The following TMEM178A variants were observed in gnomAD, a reference collection of about 807,000 sequenced individuals.
TMEM178A encodes the protein transmembrane protein 178.
TMEM178A carries 12 observed loss-of-function variants against 29.1 expected under a neutral mutation model. The ratio of observed to expected loss-of-function variants is 0.41; its 90% CI spans 0.26 to 0.67. The LOEUF (loss-of-function observed/expected upper bound fraction) is 0.67, where lower values mean the gene tolerates loss of function less well. TMEM178A is among the 30% of genes least tolerant of loss of function. TMEM178A has a pLI of 0.29. For synonymous variants in TMEM178A, 210 were observed against 187.2 expected (o/e 1.12, Z -0.99); for missense variants, 366 against 419.1 (o/e 0.87, Z 1.11).
At chr2:39,705,597 C>T (rs1377559532) in intron 2 of TMEM178A, among the ~76,000 whole-genome samples, 1 of 152,174 alleles carries the variant, frequency 6.6e-6, no homozygotes, top group African/African-American at 2.4e-5. Context: ...CAGAAATACT[C>T]TCTTTTAATT....
chr2:39,678,954 A>G (rs758723994), intron 1 of TMEM178A, among the ~76,000 whole-genome samples: 22 of 152,198 alleles, frequency 1.4e-4, no homozygotes, highest in Admixed American at 6.5e-4. Flanking sequence ...TCTGGACAGC[A>G]TCTACTTTTC....
At chr2:39,702,589 A>G (rs559536658) in intron 1 of TMEM178A, among the ~76,000 whole-genome samples, 2 of 152,136 alleles carry the variant, frequency 1.3e-5, no homozygotes, top group African/African-American at 4.8e-5. Context: ...CTGACTTATA[A>G]ACAGCTAACT....
the TMEM178A span, among the ~76,000 whole-genome samples, chr2:39,728,106 A>T: frequency 2.8e-3 from 422 of 152,242 alleles, 5 homozygotes; most frequent in African/African-American, 9.5e-3. Flanking sequence ...TCAAATGGTA[A>T]TTCTAGTTCT....
downstream of TMEM178A, among the ~76,000 whole-genome samples, chr2:39,722,371 G>T (rs1353656698): frequency 6.6e-6 from 1 of 152,194 alleles, no homozygotes; most frequent in Admixed American, 6.5e-5. Context: ...GGTTAACTCA[G>T]CGTTATACAG....
chr2:39,690,789 T>C (rs1671281657), intron 1 of TMEM178A, among the ~76,000 whole-genome samples: 1 of 152,236 alleles, frequency 6.6e-6, no homozygotes, highest in Non-Finnish European at 1.5e-5. Context: ...TCAAAATAGT[T>C]GTCTTAAAGA....
intron 1 of TMEM178A, among the ~76,000 whole-genome samples, chr2:39,698,553 A>G (rs917416867): frequency 1.3e-5 from 2 of 152,188 alleles, no homozygotes; most frequent in Non-Finnish European, 2.9e-5. Flanking sequence ...TGCTGAATTC[A>G]GTTTGCTAAT....
intron 3 of TMEM178A, among the ~76,000 whole-genome samples, chr2:39,711,898 C>G (rs1011943935): frequency 6.6e-6 from 1 of 152,084 alleles, no homozygotes; most frequent in African/African-American, 2.4e-5. Flanking sequence ...ATTCCTGTAG[C>G]TAAACATACG....
chr2:39,693,998 T>G (rs1671435291), intron 1 of TMEM178A, among the ~76,000 whole-genome samples: 1 of 151,052 alleles, frequency 6.6e-6, no homozygotes, highest in Non-Finnish European at 1.5e-5. Context: ...TGTGATGATG[T>G]TTACTATCTC....
intron 3 of TMEM178A, among the ~76,000 whole-genome samples, chr2:39,712,677 C>G (rs1482568848): frequency 6.6e-6 from 1 of 152,096 alleles, no homozygotes; most frequent in African/African-American, 2.4e-5. Context: ...CTCTCTCTCT[C>G]TCTCTCTGGG....
At chr2:39,730,772 C>T in the TMEM178A span, among the ~76,000 whole-genome samples, 1 of 152,004 alleles carries the variant, frequency 6.6e-6, no homozygotes, top group Non-Finnish European at 1.5e-5. Context: ...CCAGGGAGCC[C>T]AGACACTCTA....
chr2:39,696,464 G>A (rs768511250), intron 1 of TMEM178A, among the ~76,000 whole-genome samples: 1 of 152,136 alleles, frequency 6.6e-6, no homozygotes, highest in Non-Finnish European at 1.5e-5. Context: ...CCTATGCTAA[G>A]TCCTGAATTA....
At chr2:39,725,261 G>C in the TMEM178A span, among the ~76,000 whole-genome samples, 10 of 152,164 alleles carry the variant, frequency 6.6e-5, no homozygotes, top group African/African-American at 2.2e-4. Context: ...TGAGGAGCCA[G>C]ATGAGTAAGA....
chr2:39,711,119 G>A (rs1046904478), intron 3 of TMEM178A, among the ~76,000 whole-genome samples: 1 of 152,154 alleles, frequency 6.6e-6, no homozygotes, highest in Non-Finnish European at 1.5e-5. Context: ...CACACCCTCT[G>A]AGGTTACACA....
intron 1 of TMEM178A, among the ~76,000 whole-genome samples, chr2:39,676,018 T>C (rs1013184505): frequency 1.3e-5 from 2 of 152,228 alleles, no homozygotes; most frequent in African/African-American, 2.4e-5. Context: ...ACTCCTGGCC[T>C]CAAGCGATCC....
chr2:39,723,240 A>G, the TMEM178A span, among the ~76,000 whole-genome samples: 1 of 152,194 alleles, frequency 6.6e-6, no homozygotes, highest in African/African-American at 2.4e-5. Context: ...GTGGGCTTCA[A>G]ATTCATTCCC....
chr2:39,686,764 C>A (rs572539841), intron 1 of TMEM178A, among the ~76,000 whole-genome samples: 1 of 152,260 alleles, frequency 6.6e-6, no homozygotes, highest in South Asian at 2.1e-4. Context: ...CTCTAAACTC[C>A]TCCTATCCAC....
intron 1 of TMEM178A, among the ~76,000 whole-genome samples, chr2:39,691,558 A>G (rs1269933374): frequency 6.6e-6 from 1 of 152,220 alleles, no homozygotes; most frequent in Non-Finnish European, 1.5e-5. Context: ...TGGTACAACC[A>G]TTATAGAAAA....
downstream of TMEM178A, among the ~76,000 whole-genome samples, chr2:39,718,670 A>G (rs1672638068): frequency 1.3e-5 from 2 of 152,284 alleles, no homozygotes; most frequent in African/African-American, 4.8e-5. Context: ...GATCAGACTC[A>G]AAACATTTGC....
At chr2:39,712,352 A>G (rs1390269941) in intron 3 of TMEM178A, among the ~76,000 whole-genome samples, 1 of 151,950 alleles carries the variant, frequency 6.6e-6, no homozygotes, top group African/African-American at 2.4e-5. Flanking sequence ...ACGGTGGTCA[A>G]AAGAGTGGGC....
Sources: gnomAD v4.1 joint callset for allele counts (sites outside exome capture counted in the v4.1 genomes callset) on GRCh38, gnomAD v4.1.1 for gene constraint, MANE v1.5 for transcripts, NCBI Gene and HGNC (gene_info 2026-07-23, HGNC 2026-07-21) for gene names.